The following IFI16 variants were observed in gnomAD, a reference collection of about 807,000 sequenced individuals.
IFI16 encodes gamma-interferon-inducible protein 16.
Under a neutral mutation model 68.4 loss-of-function variants are expected in IFI16, and 49 were observed. The ratio of observed to expected loss-of-function variants is 0.72; its 90% confidence interval spans 0.57 to 0.91. The LOEUF is 0.91. Among genes scored for constraint, IFI16 ranks in the 40% least tolerant of loss-of-function variants. The pLI, the probability that IFI16 is intolerant of heterozygous loss-of-function variation, is 0.00. For synonymous variants in IFI16, 307 were observed against 315.0 expected (o/e 0.97, Z 0.27); for missense variants, 878 against 942.9 (o/e 0.93, Z 0.90).
chr1:159,042,557 C>T (rs532200118), intron 7 of IFI16, among the ~76,000 whole-genome samples: 25 of 152,252 alleles, frequency 1.6e-4, no homozygotes, highest in Admixed American at 1.6e-3. Flanking sequence ...GTTCTGTCCC[C>T]AGATATCTTC....
chr1:159,054,793 G>C (rs754266934), intron 11 of IFI16, 28 bp from the exon 12 acceptor site: 1 of 1,285,390 alleles, frequency 7.8e-7, no homozygotes, highest in Non-Finnish European at 1.1e-6. Flanking sequence ...ATCTCAACTG[G>C]TCTGTCTTTA....
Position 159,045,282 on chromosome 1 carries a change from T to C in IFI16, c.1330-15T>C. 1 of 1,176,214 alleles carries C rather than the reference T, an allele frequency of 8.5e-7. No individual in the cohort carries two copies. Among genetic ancestry groups the C allele is most frequent in the Non-Finnish European group, 1.2e-6 (1 of 823,114 alleles). 72.9% of individuals were successfully genotyped at this position (1,176,214 alleles called of 1,614,324 possible). On this transcript the variant is annotated splice_polypyrimidine_tract_variant and intron_variant, in intron 7 of 11. Transcript: ENST00000295809. ...ATTAACTAGAAAAAAAGAACAAACA[T>C]CTATTTTCCTTTAGAAAAGTGAAGA... is the stretch of plus-strand genomic sequence containing the variant.
At chr1:159,054,534 C>T (rs762104697) in intron 11 of IFI16, among the ~76,000 whole-genome samples, 2 of 152,162 alleles carry the variant, frequency 1.3e-5, no homozygotes, top group Non-Finnish European at 2.9e-5. Context: ...TTGGGTGCAC[C>T]AGCTCCTTTC....
At position 159,016,642 on chromosome 1, in the gene IFI16, G is replaced by A; in HGVS notation, c.491G>A (p.Gly164Asp). Residue 164 changes from glycine (G) to aspartate (D), a missense_variant, in exon 4 of 12, where the codon GGC (glycine) becomes GAC (aspartate). Around this residue, in one of 4 missense-constraint regions of IFI16, gnomAD observed 443 missense variants for 421.8 expected, o/e 1.05. Transcript: ENST00000295809. ...PAGAGMSTAM[G>D]RSPSPKTSLS... ...GGAGCCGGCATGTCCACAGCCATGG[G>A]CCGTTCCCCATCTCCCAAGACCTCA... 1 of 1,614,126 alleles carries A rather than the reference G, an allele frequency of 6.2e-7. No homozygotes were observed. The highest frequency in any genetic ancestry group is 8.5e-7 in the Non-Finnish European group (1 of 1,180,010).
chr1:159,027,716 A>G (rs1051266040), intron 6 of IFI16, among the ~76,000 whole-genome samples: 17 of 152,170 alleles, frequency 1.1e-4, no homozygotes, highest in Non-Finnish European at 4.4e-5. Context: ...ACTGCTTATT[A>G]TCACTCTGTT....
At chr1:159,032,500 T>C (rs1248305631) in intron 6 of IFI16, 24 bp from the exon 7 acceptor site, 21 of 1,485,654 alleles carry the variant, frequency 1.4e-5, no homozygotes, top group Non-Finnish European at 1.9e-5. Flanking sequence ...TGAAAACCAT[T>C]AAACAGAAAA....
upstream of IFI16, among the ~76,000 whole-genome samples, chr1:159,004,850 A>T (rs570033829): frequency 2.0e-5 from 3 of 152,250 alleles, no homozygotes; most frequent in Non-Finnish European, 4.4e-5. Context: ...GAAATTATCA[A>T]TCTAGTAAAG....
upstream of IFI16, among the ~76,000 whole-genome samples, chr1:159,004,068 G>T (rs1652163823): frequency 1.3e-5 from 2 of 152,184 alleles, no homozygotes; most frequent in Admixed American, 6.5e-5. Flanking sequence ...TTGAACCAAA[G>T]ATTGTCAACC....
chr1:159,014,838 A>C lies in IFI16; in HGVS notation c.158A>C (p.Glu53Ala). 6.2e-7 allele frequency: 1 copy of C among 1,614,130 alleles called. No individual in the cohort carries two copies. Among genetic ancestry groups the C allele is most frequent in the Non-Finnish European group, 8.5e-7 (1 of 1,179,958 alleles). The change falls in exon 2 of 12, where the codon GAA (glutamate) becomes GCA (alanine). Residue 53 changes from glutamate to alanine, a missense_variant. Glu to Ala is a moderately radical substitution (Grantham distance 107). Around this residue, in one of 4 missense-constraint regions of IFI16, gnomAD observed 65 missense variants for 96.9 expected, o/e 0.67. Coordinates refer to ENST00000295809, the MANE Select transcript of IFI16 (RefSeq NM_001376587.1). Reference sequence around the variant, plus strand: ...AAAATTCAGATTGCTGACTTGATGGAAGAAAAGTTCCGAGGTGATGCTGGT... The same window carrying C: ...AAAATTCAGATTGCTGACTTGATGGCAGAAAAGTTCCGAGGTGATGCTGGT... ...YDKIQIADLMEEKFRGDAGLG... is the reference protein window; with the variant it reads ...YDKIQIADLMAEKFRGDAGLG...
upstream of IFI16, among the ~76,000 whole-genome samples, chr1:159,007,019 A>C (rs1571820952): frequency 6.6e-6 from 1 of 152,228 alleles, no homozygotes; most frequent in Non-Finnish European, 1.5e-5. Context: ...CAATCTAGGA[A>C]ATACAAGATA....
chr1:159,051,626 A>G lies in IFI16; in HGVS notation c.1666-53A>G, dbSNP rs936470903. 6.1e-5 allele frequency: 86 copies of G among 1,413,524 alleles called. 1 individual carries two copies. The highest frequency in any genetic ancestry group is 1.8e-4 in the Middle Eastern group (1 of 5,488). The allele number at this position is 1,413,524 out of a possible 1,614,324, so 87.6% of individuals were successfully genotyped here. On this transcript the variant is annotated intron_variant, in intron 9 of 11. Transcript: ENST00000295809. Reference sequence around the variant, plus strand: ...CTGAGATGACTCTCACTAGAGAATGACCCTGTTTTTCCTGTTTTAATTGTG... The same window carrying G: ...CTGAGATGACTCTCACTAGAGAATGGCCCTGTTTTTCCTGTTTTAATTGTG...
chr1:159,031,079 C>T (rs1653972047), intron 6 of IFI16, among the ~76,000 whole-genome samples: 1 of 152,088 alleles, frequency 6.6e-6, no homozygotes, highest in Admixed American at 6.6e-5. Flanking sequence ...TTATGGCTGC[C>T]TCTGCTGTGT....
Position 159,018,205 on chromosome 1 carries a change from G to T in IFI16, c.550-24G>T, listed in dbSNP as rs41264053. ...ATTTCTCAATTAGACATTTTTCTTT[G>T]TTCTCCTGTGCTATCATACACAGAA... On this transcript the variant is annotated intron_variant, in intron 4 of 11. Coordinates refer to ENST00000295809, the MANE Select transcript of IFI16 (RefSeq NM_001376587.1). 6,767 of 1,592,622 alleles carry T rather than the reference G, an allele frequency of 4.2e-3. 28 individuals carry two copies. The highest frequency in any genetic ancestry group is 5.0e-3 in the Non-Finnish European group (5,873 of 1,167,326).
chr1:159,045,219 A>G, intron 7 of IFI16, 78 bp from the exon 8 acceptor site: 1 of 737,138 alleles, frequency 1.4e-6, no homozygotes, highest in South Asian at 1.9e-5. Context: ...TTAAAAAAGA[A>G]AAAAGGAAAA....
At chr1:159,017,039 A>C (rs1652976504) in intron 4 of IFI16, among the ~76,000 whole-genome samples, 1 of 152,006 alleles carries the variant, frequency 6.6e-6, no homozygotes, top group East Asian at 1.9e-4. Context: ...CCTCTCCAGC[A>C]CCTGCTAGTT....
chr1:159,006,506 A>G (rs1652264829), upstream of IFI16, among the ~76,000 whole-genome samples: 1 of 152,188 alleles, frequency 6.6e-6, no homozygotes, highest in Non-Finnish European at 1.5e-5. Context: ...TTATCAGTTA[A>G]TTGGGCTCTT....
At chr1:159,030,082 A>G (rs566735972) in intron 6 of IFI16, among the ~76,000 whole-genome samples, 1 of 152,162 alleles carries the variant, frequency 6.6e-6, no homozygotes, top group East Asian at 1.9e-4. Flanking sequence ...TACTTGTTTG[A>G]TTCTATTGCT....
At chr1:159,029,972 A>G (rs201664251) in intron 6 of IFI16, among the ~76,000 whole-genome samples, 1 of 82,380 alleles carries the variant, frequency 1.2e-5, no homozygotes, top group African/African-American at 1.1e-4. Flanking sequence ...ATGAGCCACC[A>G]TGCCCGGCAG....
chr1:159,025,140 G>T (rs1571854197), intron 6 of IFI16, among the ~76,000 whole-genome samples: 1 of 152,104 alleles, frequency 6.6e-6, no homozygotes, highest in Non-Finnish European at 1.5e-5. Flanking sequence ...TATAATTTTT[G>T]TTGCATATCC....
Sources: allele counts gnomAD v4.1 joint callset (sites outside exome capture counted in the v4.1 genomes callset), GRCh38; gene constraint gnomAD v4.1.1; regional missense constraint gnomAD v4.1.1; transcripts MANE v1.5; gene names NCBI Gene and HGNC (gene_info 2026-07-23, HGNC 2026-07-21).